The following ZNF284 variants were observed in gnomAD, a reference collection of about 807,000 sequenced individuals.
The protein encoded by ZNF284 is zinc finger protein 284.
In ZNF284, 12 loss-of-function variants were observed where a neutral mutation model predicts 12.9. That is an observed-to-expected ratio of 0.93 (90% CI 0.60 to 1.51). The LOEUF is 1.51. Ranked by LOEUF, ZNF284 falls within the 40% of genes most tolerant of loss-of-function variation. The pLI, the probability that ZNF284 is intolerant of heterozygous loss-of-function variation, is 0.00. For missense variants in ZNF284, 667 were observed against 707.3 expected, an observed-to-expected ratio of 0.94 and a Z score of 0.65; for synonymous variants, 225 against 236.5, an observed-to-expected ratio of 0.95 and a Z score of 0.45.
At chr19:44,085,599 C>T in intron 4 of ZNF284, 115 bp from the exon 5 acceptor site, 2 of 972,004 alleles carry the variant, frequency 2.1e-6, no homozygotes, top group Non-Finnish European at 3.1e-6. Context: ...TTGGAAAACA[C>T]AAACTGTACC....
At chr19:44,085,264 A>G (rs1967211470) in intron 4 of ZNF284, 1 of 156,616 alleles carries the variant, frequency 6.4e-6, no homozygotes, top group Non-Finnish European at 1.4e-5. Flanking sequence ...GCAGGGGCTG[A>G]TCATTCCAGT....
In ZNF284 at chr19:44,076,377, A is replaced by G. The variant is rs1292265075; in HGVS notation, c.-13A>G. The G allele has an allele frequency of 5.6e-6, 9 of 1,609,884 alleles. No individual in the cohort carries two copies. Among genetic ancestry groups the G allele is most frequent in the Non-Finnish European group, 7.6e-6 (9 of 1,177,848 alleles). The stretch of plus-strand genomic sequence containing the variant: ...ACTGAGAACTCTGCAAATTCCCCAA[A>G]GAAGGAGGAAAAATGACCATGTTCA... On this transcript the variant is annotated 5_prime_UTR_variant, in exon 2 of 5. Transcript: ENST00000421176.
At chr19:44,078,269 C>A (rs778867737) in intron 2 of ZNF284, among the ~76,000 whole-genome samples, 7 of 152,066 alleles carry the variant, frequency 4.6e-5, no homozygotes, top group Admixed American at 3.9e-4. Context: ...AAGGTGAATT[C>A]TCTCTAATGA....
At position 44,082,035 on chromosome 19, in the gene ZNF284, T is replaced by C. The variant is rs1416207034; in HGVS notation, c.165T>C (p.Asp55=). Residue 55 remains aspartate (D), a synonymous_variant, in exon 4 of 5, where the codon GAT becomes GAC. Transcript: ENST00000421176. Reference sequence around the variant, plus strand: ...CAGGGCATCAACTTTCCCACCGAGATACTTTTCACTTCCAAAGAGAAGAAA... The same window carrying C: ...CAGGGCATCAACTTTCCCACCGAGACACTTTTCACTTCCAAAGAGAAGAAA... ...LSVGHQLSHR[D]TFHFQREEKF... is the part of the protein sequence containing the mutation. 5 of 1,613,966 alleles carry C rather than the reference T, an allele frequency of 3.1e-6. No individual in the cohort carries two copies. The highest frequency in any genetic ancestry group is 4.2e-6 in the Non-Finnish European group (5 of 1,179,880).
chr19:44,083,505 A>ATC (rs1599880410), intron 4 of ZNF284, among the ~76,000 whole-genome samples: 1 of 109,560 alleles, frequency 9.1e-6, no homozygotes, highest in Non-Finnish European at 2.1e-5. Flanking sequence ...AGAGAGAGGG[A>ATC]ATGGAATACC....
rs776823824 is a variant in ZNF284 at position 44,076,396 on chromosome 19, AT to A, written c.8del (p.Met3SerfsTer6). The A allele has an allele frequency of 6.2e-7, 1 of 1,609,846 alleles. No individual in the cohort carries two copies. The highest frequency in any genetic ancestry group is 2.2e-5 in the East Asian group (1 of 44,814). On this transcript the variant is annotated frameshift_variant, in exon 2 of 5. Coordinates refer to ENST00000421176, the MANE Select transcript of ZNF284 (RefSeq NM_001037813.4). LOFTEE classifies it high-confidence loss of function. ...CCCCAAAGAAGGAGGAAAAATGACC[AT>A]GTTCAAGGTGAGTAAGTCTGGTCTC... is the stretch of plus-strand genomic sequence containing the variant. Reference protein sequence around the residue: MTMFKEAVTFKDV... With the variant: MTXFKEAVTFKDV...
rs1568522586 is a variant in ZNF284, at chr19:44,083,499, AGAGGG to A, written c.235+1395_235+1399del. Among the ~76,000 whole-genome samples the A allele has an allele frequency of 7.1e-4, 51 of 71,846 alleles. 4 individuals are homozygous for A. The highest frequency in any genetic ancestry group is 1.5e-3 in the Non-Finnish European group (41 of 28,046). 47.1% of individuals were successfully genotyped at this position (71,846 alleles called of 152,430 possible). ...TAGAGAGAGAGAGAGAGAGAGAGAG[AGAGGG>A]AATGGAATACCATCCTATCTTTACC... On this transcript the variant is annotated intron_variant, in intron 4 of 4. Coordinates refer to ENST00000421176, the MANE Select transcript of ZNF284 (RefSeq NM_001037813.4).
At chr19:44,074,096 G>A (rs1464415338) in intron 1 of ZNF284, among the ~76,000 whole-genome samples, 1 of 151,368 alleles carries the variant, frequency 6.6e-6, no homozygotes, top group African/African-American at 2.4e-5. Flanking sequence ...GCTCACGCCT[G>A]TAATCCCAGC....
intron 4 of ZNF284, among the ~76,000 whole-genome samples, chr19:44,083,592 G>A (rs1380433508): frequency 4.0e-5 from 6 of 150,302 alleles, no homozygotes; most frequent in Admixed American, 3.3e-4. Flanking sequence ...TCTACCCACT[G>A]GAATGGAATG....
In ZNF284 at chr19:44,089,284, C is replaced by T. The variant is rs1441114916; in HGVS notation, c.*2024C>T. Reference sequence around the variant, plus strand: ...TGGGACTACAGGCATGGACCACCACCCCTGATTGATCTTCTTTAGTTTCTA... The same window carrying T: ...TGGGACTACAGGCATGGACCACCACTCCTGATTGATCTTCTTTAGTTTCTA... On this transcript the variant is annotated 3_prime_UTR_variant, in exon 5 of 5. Coordinates refer to ENST00000421176, the MANE Select transcript of ZNF284 (RefSeq NM_001037813.4). 6.6e-6 allele frequency: 1 copy of T among 152,016 alleles called. No homozygotes were observed. Among genetic ancestry groups the T allele is most frequent in the Non-Finnish European group, 1.5e-5 (1 of 68,032 alleles). The allele number at this position is 152,016 out of a possible 1,614,324, so 9.4% of individuals were successfully genotyped here. A position where few individuals can be genotyped will look rare whatever the true frequency, so the allele number is the denominator to read the frequency against.
rs1966955838 is a variant in ZNF284 at position 44,072,195 on chromosome 19, G to A, written c.-165G>A. 6.6e-6 allele frequency: 1 copy of A among 152,438 alleles called. No homozygotes were observed. The highest frequency in any genetic ancestry group is 2.4e-5 in the African/African-American group (1 of 41,454). 9.4% of individuals were successfully genotyped at this position (152,438 alleles called of 1,614,324 possible). On this transcript the variant is annotated 5_prime_UTR_variant, in exon 1 of 5. Coordinates refer to ENST00000421176, the MANE Select transcript of ZNF284 (RefSeq NM_001037813.4). ...GGTGGTAGTTTGGTGTCAGTCCTGTGTCTTGTCGGTCCTTCTAAACGTGTC... is the reference window on the plus strand; with the variant it reads ...GGTGGTAGTTTGGTGTCAGTCCTGTATCTTGTCGGTCCTTCTAAACGTGTC...
intron 1 of ZNF284, among the ~76,000 whole-genome samples, chr19:44,075,697 A>C (rs1206243871): frequency 6.6e-6 from 1 of 152,190 alleles, no homozygotes; most frequent in East Asian, 1.9e-4. Flanking sequence ...TTCTATTGAT[A>C]TGGACTCAGA....
chr19:44,085,818 C>G lies in ZNF284; in HGVS notation c.340C>G (p.Pro114Ala). 6.2e-7 allele frequency: 1 copy of G among 1,610,310 alleles called. No homozygotes were observed. The highest frequency in any genetic ancestry group is 8.5e-7 in the Non-Finnish European group (1 of 1,178,548). Residue 114 changes from proline to alanine, a missense_variant, in exon 5 of 5, where the codon CCT (proline) becomes GCT (alanine). By Grantham distance (27) the Pro-to-Ala change is conservative. Coordinates refer to ENST00000421176, the MANE Select transcript of ZNF284 (RefSeq NM_001037813.4). ...ACAAACTGCAAGTGAGTTAACTAGA[C>G]CTCAAGACTCCATAAGTAGCTCTCA... ...WEQTASELTR[P>A]QDSISSSQFS...
chr19:44,073,354 G>C (rs569000127), intron 1 of ZNF284, among the ~76,000 whole-genome samples: 37 of 152,240 alleles, frequency 2.4e-4, no homozygotes, highest in African/African-American at 8.7e-4. Flanking sequence ...AAGGCTTATG[G>C]GCTTGGACTG....
chr19:44,081,845 G>T (rs1050583436), intron 3 of ZNF284, among the ~76,000 whole-genome samples, 168 bp from the exon 4 acceptor site: 1 of 152,082 alleles, frequency 6.6e-6, no homozygotes, highest in African/African-American at 2.4e-5. Context: ...CCTCCCACCA[G>T]CTCCCTCTTA....
chr19:44,081,522 T>C lies in ZNF284; in HGVS notation c.142+381T>C, dbSNP rs143200149. 6.6e-4 allele frequency among the ~76,000 whole-genome samples: 100 copies of C among 151,822 alleles called. 1 individual carries two copies. In the East Asian group the frequency reaches 0.012, roughly 18 times the overall value. The stretch of plus-strand genomic sequence containing the variant: ...GTTGGGAGATGGAGACCATTCTGGC[T>C]AACACGGTGAAACCCCGTCTCTACT... On this transcript the variant is annotated intron_variant, in intron 3 of 4. Transcript: ENST00000421176.
chr19:44,081,189 C>G, intron 3 of ZNF284, 48 bp downstream of exon 3: 3 of 1,578,678 alleles, frequency 1.9e-6, no homozygotes, highest in Non-Finnish European at 2.6e-6. Flanking sequence ...CCAGGAATGG[C>G]TTTGTATCCT....
chr19:44,072,844 C>T (rs764882104), intron 1 of ZNF284, among the ~76,000 whole-genome samples: 5 of 152,194 alleles, frequency 3.3e-5, no homozygotes, highest in Admixed American at 1.3e-4. Flanking sequence ...TTATGCCGGA[C>T]GGCAATGCGG....
At chr19:44,073,545 ATTTT>A (rs11331410) in intron 1 of ZNF284, among the ~76,000 whole-genome samples, 4 of 140,358 alleles carry the variant, frequency 2.8e-5, no homozygotes, top group Admixed American at 7.0e-5. Flanking sequence ...CTTCGAGTGC[ATTTT>A]TTTTTTTTTT....
Sources: gnomAD v4.1 joint callset for allele counts (sites outside exome capture counted in the v4.1 genomes callset) on GRCh38, gnomAD v4.1.1 for gene constraint, MANE v1.5 for transcripts, NCBI Gene and HGNC (gene_info 2026-07-23, HGNC 2026-07-21) for gene names.